Variants in SGCZ observed in about 807,000 individuals in gnomAD.
SGCZ encodes sarcoglycan zeta.
SGCZ carries 40 observed loss-of-function variants against 41.3 expected under a neutral mutation model. The ratio of observed to expected loss-of-function variants is 0.97; its 90% CI spans 0.75 to 1.26. SGCZ has a LOEUF of 1.26. Ranked by LOEUF, SGCZ falls within the 50% of genes most tolerant of loss-of-function variation. SGCZ has a pLI of 0.00. For missense variants in SGCZ, 552 were observed against 369.8 expected, an observed-to-expected ratio of 1.49 and a Z score of -4.04; for synonymous variants, 206 against 137.5, an observed-to-expected ratio of 1.50 and a Z score of -3.49.
At chr8:14,645,519 A>C (rs1043559285) in intron 1 of SGCZ, among the ~76,000 whole-genome samples, 2 of 123,292 alleles carry the variant, frequency 1.6e-5, no homozygotes, top group African/African-American at 6.2e-5. Context: ...ATATGCAATA[A>C]TTATGTTTAT....
At chr8:14,288,599 C>G (rs1800727174) in intron 3 of SGCZ, among the ~76,000 whole-genome samples, 1 of 152,090 alleles carries the variant, frequency 6.6e-6, no homozygotes, top group Admixed American at 6.6e-5. Context: ...GTTGAAATGC[C>G]ATATTATGTA....
chr8:14,393,532 T>C (rs1430187930), intron 2 of SGCZ, among the ~76,000 whole-genome samples: 2 of 152,176 alleles, frequency 1.3e-5, no homozygotes, highest in East Asian at 3.9e-4. Context: ...CTAACCAACC[T>C]GTGAGCCCTA....
chr8:14,592,199 A>C (rs1029334580), intron 1 of SGCZ, among the ~76,000 whole-genome samples: 1 of 152,116 alleles, frequency 6.6e-6, no homozygotes, highest in African/African-American at 2.4e-5. Context: ...CATTATCTCC[A>C]GGCCTTAGAT....
intron 6 of SGCZ, among the ~76,000 whole-genome samples, chr8:14,103,244 C>A (rs1482215518): frequency 4.0e-5 from 6 of 151,252 alleles, no homozygotes; most frequent in African/African-American, 1.5e-4. Context: ...AGGCAGTTTT[C>A]AAACTATCTT....
In SGCZ at chr8:15,028,547, G is replaced by A. The variant is rs574554948; in HGVS notation, c.39+209038C>T. Among the ~76,000 whole-genome samples the A allele has an allele frequency of 6.2e-5, 9 of 145,886 alleles. No homozygotes were observed. In the East Asian group the frequency reaches 1.1e-3, roughly 17 times the overall value. ...AGTCAGTTTCATAAGGAACACTATC[G>A]TCTTTCTAAGTTGAAGTCAGTTTCA... On this transcript the variant is annotated intron_variant, in intron 1 of 7. Coordinates refer to ENST00000382080, the MANE Select transcript of SGCZ (RefSeq NM_139167.4).
At chr8:14,982,140 A>T (rs1801684858) in intron 1 of SGCZ, among the ~76,000 whole-genome samples, 1 of 136,060 alleles carries the variant, frequency 7.3e-6, no homozygotes, top group Admixed American at 7.4e-5. Context: ...CCTGGACAAC[A>T]GAGCGAGACT....
chr8:14,648,833 TGTA>T (rs926322721), intron 1 of SGCZ, among the ~76,000 whole-genome samples: 3 of 152,096 alleles, frequency 2.0e-5, no homozygotes, highest in African/African-American at 7.2e-5. Flanking sequence ...ATTTCTGCCT[TGTA>T]GTGACACTTT....
At chr8:14,517,613 T>G (rs1208586751) in intron 2 of SGCZ, among the ~76,000 whole-genome samples, 2 of 152,038 alleles carry the variant, frequency 1.3e-5, no homozygotes, top group Non-Finnish European at 2.9e-5. Flanking sequence ...AGTTTAGAAA[T>G]TATTACAAAA....
chr8:14,792,321 CT>C (rs1449216547), intron 1 of SGCZ, among the ~76,000 whole-genome samples: 1 of 152,122 alleles, frequency 6.6e-6, no homozygotes, highest in Non-Finnish European at 1.5e-5. Context: ...GTTACAACAT[CT>C]CTTTTGTGTT....
At chr8:14,168,475 C>T (rs966802173) in intron 4 of SGCZ, among the ~76,000 whole-genome samples, 9 of 152,040 alleles carry the variant, frequency 5.9e-5, no homozygotes, top group African/African-American at 2.2e-4. Context: ...CTGTGCTGTT[C>T]TCATGAGTGT....
chr8:14,699,470 A>T (rs1273678707), intron 1 of SGCZ, among the ~76,000 whole-genome samples: 1 of 151,774 alleles, frequency 6.6e-6, no homozygotes, highest in Non-Finnish European at 1.5e-5. Context: ...ATGTACTCAA[A>T]ATAGATCAAA....
At chr8:14,577,498 C>T (rs1804748492) in intron 1 of SGCZ, among the ~76,000 whole-genome samples, 1 of 149,868 alleles carries the variant, frequency 6.7e-6, no homozygotes, top group Non-Finnish European at 1.5e-5. Flanking sequence ...AAGCAATTCT[C>T]CTGTCTCAGC....
intron 1 of SGCZ, among the ~76,000 whole-genome samples, chr8:15,148,146 G>C (rs1373035135): frequency 1.3e-5 from 2 of 152,178 alleles, no homozygotes; most frequent in Admixed American, 6.5e-5. Context: ...TTTCTACTTA[G>C]CTAATTTCTT....
At chr8:14,518,763 GCAGA>G (rs75790511) in intron 2 of SGCZ, among the ~76,000 whole-genome samples, 1 of 151,644 alleles carries the variant, frequency 6.6e-6, no homozygotes, top group Non-Finnish European at 1.5e-5. Context: ...GATTAGATAG[GCAGA>G]CAGACAGACA....
chr8:15,170,224 G>A (rs956878675), intron 1 of SGCZ, among the ~76,000 whole-genome samples: 1 of 152,154 alleles, frequency 6.6e-6, no homozygotes, highest in Non-Finnish European at 1.5e-5. Context: ...GAGATCTAAA[G>A]TTTCCTGGCC....
chr8:14,104,326 C>G (rs985008417), intron 6 of SGCZ, among the ~76,000 whole-genome samples: 1 of 151,970 alleles, frequency 6.6e-6, no homozygotes, highest in Admixed American at 6.6e-5. Flanking sequence ...GAAGGATAGT[C>G]CCTCTACCAC....
chr8:15,203,610 G>T (rs1224824898), intron 1 of SGCZ, among the ~76,000 whole-genome samples: 1 of 152,098 alleles, frequency 6.6e-6, no homozygotes. Flanking sequence ...GACAAATGTG[G>T]CATTCATATA....
At chr8:14,147,029 G>T (rs1803548492) in intron 5 of SGCZ, among the ~76,000 whole-genome samples, 1 of 151,580 alleles carries the variant, frequency 6.6e-6, no homozygotes, top group African/African-American at 2.4e-5. Context: ...CTTCGTATCA[G>T]TGTTAAGTTC....
chr8:14,132,991 C>G (rs531231424), intron 5 of SGCZ, among the ~76,000 whole-genome samples: 72 of 152,150 alleles, frequency 4.7e-4, no homozygotes, highest in African/African-American at 1.7e-3. Context: ...TCCTTGAATG[C>G]TAGGAGCTGT....
Sources: gnomAD v4.1 joint callset for allele counts (sites outside exome capture counted in the v4.1 genomes callset) on GRCh38, gnomAD v4.1.1 for gene constraint, MANE v1.5 for transcripts, NCBI Gene and HGNC (gene_info 2026-07-23, HGNC 2026-07-21) for gene names.